SHBG: variants seen among roughly 807,000 people sequenced by gnomAD.
SHBG encodes the protein sex hormone-binding globulin.
SHBG carries 37 observed loss-of-function variants against 41.9 expected under a neutral mutation model. That is an observed-to-expected ratio of 0.88 (90% CI 0.68 to 1.16). The LOEUF (loss-of-function observed/expected upper bound fraction) is 1.16, where lower values mean the gene tolerates loss of function less well. Ranked by LOEUF, SHBG falls within the 50% of genes most tolerant of loss-of-function variation. The pLI is 0.00. For synonymous variants in SHBG, 217 were observed against 205.8 expected (o/e 1.05, Z -0.47); for missense variants, 466 against 499.9 (o/e 0.93, Z 0.65).
In SHBG at chr17:7,631,714, C is replaced by T. The variant is rs759700153; in HGVS notation, c.681C>T (p.Leu227=). The T allele has an allele frequency of 9.3e-6, 15 of 1,614,116 alleles. No homozygotes were observed. The highest frequency in any genetic ancestry group is 1.3e-5 in the Non-Finnish European group (15 of 1,179,996). Residue 227 remains leucine (L), a synonymous_variant, in exon 5 of 8, where the codon CTC becomes CTT. Transcript: ENST00000380450. ...CDVESNPGIF[L]PPGTQAEFNL... ...TAGAATCAAATCCCGGGATATTTCT[C>T]CCTCCAGGGACTCAGGCAGAATTCA...
chr17:7,627,267 G>A (rs750651025), upstream of SHBG: 2 of 1,612,874 alleles, frequency 1.2e-6, no homozygotes, highest in Non-Finnish European at 8.5e-7. This position sits in a 1 kb window ranked among gnomAD's most constrained non-coding sequence, Gnocchi z 4.8. Flanking sequence ...AGAGAAAGAG[G>A]ACGTGGGTGT....
chr17:7,616,465 A>C (rs1030027167), intron 1 of SHBG, among the ~76,000 whole-genome samples: 2 of 147,758 alleles, frequency 1.4e-5, no homozygotes, highest in Non-Finnish European at 3.0e-5. Flanking sequence ...AAAAAAAAAA[A>C]AAAAAAAAAA....
upstream of SHBG, among the ~76,000 whole-genome samples, chr17:7,624,091 A>G (rs1425105387): frequency 3.3e-5 from 5 of 152,020 alleles, no homozygotes; most frequent in African/African-American, 4.8e-5. Context: ...AGCTGGGATT[A>G]CAGGCTTGCA....
At chr17:7,621,258 A>C (rs1001098626) in intron 1 of SHBG, among the ~76,000 whole-genome samples, 1 of 142,630 alleles carries the variant, frequency 7.0e-6, no homozygotes, top group East Asian at 2.0e-4. Context: ...CAGGATTTCG[A>C]GACCAGCCTG....
intron 1 of SHBG, chr17:7,614,173 G>A (rs2071910460): frequency 1.5e-6 from 1 of 651,872 alleles, no homozygotes; most frequent in African/African-American, 1.8e-5. Context: ...GGTCTCTCCT[G>A]CGGAGCGGGG....
At chr17:7,614,761 A>C in intron 1 of SHBG, 1 of 231,254 alleles carries the variant, frequency 4.3e-6, no homozygotes. Flanking sequence ...CCGTGAGGGA[A>C]ACGGCCGCCG....
At chr17:7,627,520 G>A (rs1277940975), upstream of SHBG, 1 of 1,061,766 alleles carries the variant, frequency 9.4e-7, no homozygotes, top group South Asian at 1.2e-5. This position sits in a 1 kb window ranked among gnomAD's most constrained non-coding sequence, Gnocchi z 4.8. Context: ...CTACGACCCC[G>A]CTCTGGCCGC....
At chr17:7,631,788 C>T in intron 5 of SHBG, 40 bp downstream of exon 5, 2 of 1,613,246 alleles carry the variant, frequency 1.2e-6, no homozygotes, top group Non-Finnish European at 1.7e-6. Flanking sequence ...CCCTGGCCAG[C>T]TCAGCCTGCC....
Position 7,631,360 on chromosome 17 carries a change from C to T in SHBG, c.554C>T (p.Pro185Leu), listed in dbSNP as rs6258. Reference sequence around the variant, plus strand: ...TTCCCCGCTTCCAACCTTCGGTTGCCGGTAACTACACCCCAGGGGTGGAAC... The same window carrying T: ...TTCCCCGCTTCCAACCTTCGGTTGCTGGTAACTACACCCCAGGGGTGGAAC... Reference protein sequence around the residue: ...LLFPASNLRLPLVPALDGCLR... With the variant: ...LLFPASNLRLLLVPALDGCLR... The change falls in exon 4 of 8, where the codon CCG (proline) becomes CTG (leucine). Residue 185 changes from proline (P) to leucine (L), a missense_variant and splice_region_variant. Transcript: ENST00000380450. 9,627 of 1,612,554 alleles carry T rather than the reference C, an allele frequency of 6.0e-3. 37 individuals carry two copies. Among genetic ancestry groups the T allele is most frequent in the Non-Finnish European group, 6.9e-3 (8,186 of 1,179,542 alleles).
intron 1 of SHBG, chr17:7,614,385 A>C: frequency 8.5e-7 from 1 of 1,177,302 alleles, no homozygotes; most frequent in Non-Finnish European, 1.2e-6. Context: ...ATCCCGCCCC[A>C]CGCGTTCCTG....
chr17:7,620,507 G>A (rs1022751473), intron 1 of SHBG, among the ~76,000 whole-genome samples: 1 of 151,978 alleles, frequency 6.6e-6, no homozygotes, highest in Admixed American at 6.6e-5. Flanking sequence ...AGTAGAGACG[G>A]GTGGGGTTTC....
chr17:7,615,398 C>T (rs1036154621), intron 1 of SHBG, among the ~76,000 whole-genome samples: 5 of 152,220 alleles, frequency 3.3e-5, no homozygotes, highest in African/African-American at 1.2e-4. Context: ...TGCGCACGCG[C>T]TGAGCTTTAC....
chr17:7,614,646 G>A, intron 1 of SHBG: 1 of 532,762 alleles, frequency 1.9e-6, no homozygotes, highest in East Asian at 3.8e-5. Flanking sequence ...GGAGCCGCGG[G>A]GGGCGGGAGC....
upstream of SHBG, chr17:7,626,736 C>T: frequency 1.2e-6 from 2 of 1,614,096 alleles, no homozygotes; most frequent in Non-Finnish European, 1.7e-6. Flanking sequence ...CACTTGTCGC[C>T]CCACCCATCT....
At chr17:7,618,446 TTTTTTG>T (rs141489915) in intron 1 of SHBG, among the ~76,000 whole-genome samples, 110,262 of 143,128 alleles carry the variant, frequency 0.77, 41,304 homozygotes, top group Middle Eastern at 0.87. Flanking sequence ...TAGGTTTGTT[TTTTTTG>T]TTTTTGTTTT....
At chr17:7,627,743 G>T, upstream of SHBG, 1 of 1,326,906 alleles carries the variant, frequency 7.5e-7, no homozygotes, top group Non-Finnish European at 1.1e-6. The surrounding 1 kb of genome is among the most constrained non-coding windows in gnomAD (Gnocchi z 4.8). Context: ...AGAGCGGGGT[G>T]GCGGGAGTCG....
chr17:7,631,659 C>G lies in SHBG; in HGVS notation c.626C>G (p.Ser209Cys). 1 of 1,614,164 alleles carries G rather than the reference C, an allele frequency of 6.2e-7. No homozygotes were observed. The highest frequency in any genetic ancestry group is 1.3e-5 in the African/African-American group (1 of 75,056). ...GACAAACAGGCCGAGATCTCAGCAT[C>G]TGCCCCCACTAGCCTCAGAAGCTGT... Reference protein sequence around the residue: ...WLDKQAEISASAPTSLRSCDV... With the variant: ...WLDKQAEISACAPTSLRSCDV... Residue 209 changes from serine to cysteine, a missense_variant, in exon 5 of 8, where the codon TCT (serine) becomes TGT (cysteine). Ser to Cys is a moderately radical substitution (Grantham distance 112). Coordinates refer to ENST00000380450, the MANE Select transcript of SHBG (RefSeq NM_001040.5).
At chr17:7,624,943 C>CTTTT (rs907499817), upstream of SHBG, among the ~76,000 whole-genome samples, 18 of 93,736 alleles carry the variant, frequency 1.9e-4, no homozygotes, top group South Asian at 3.5e-4. Flanking sequence ...CAGGCGTGAG[C>CTTTT]TTTTTTTTTT....
chr17:7,624,700 G>A (rs2072160396), upstream of SHBG, among the ~76,000 whole-genome samples: 1 of 151,798 alleles, frequency 6.6e-6, no homozygotes, highest in African/African-American at 2.4e-5. Flanking sequence ...CACTCAGGCT[G>A]GAGTCCAGTG....
Sources: allele counts gnomAD v4.1 joint callset (sites outside exome capture counted in the v4.1 genomes callset), GRCh38; gene constraint gnomAD v4.1.1; non-coding constraint Gnocchi (gnomAD v3.1); transcripts MANE v1.5; gene names NCBI Gene and HGNC (gene_info 2026-07-23, HGNC 2026-07-21).